RBFOX1: variants seen among roughly 807,000 people sequenced by gnomAD.
The protein encoded by RBFOX1 is RNA binding protein fox-1 homolog 1.
In RBFOX1, 8 loss-of-function variants were observed where a neutral mutation model predicts 57.7. That is an observed-to-expected ratio of 0.14 (90% CI 0.08 to 0.25). The LOEUF (loss-of-function observed/expected upper bound fraction) is 0.25, where lower values mean the gene tolerates loss of function less well. RBFOX1 is among the 10% of genes least tolerant of loss of function. The pLI, the probability that RBFOX1 is intolerant of heterozygous loss-of-function variation, is 1.00. For missense variants in RBFOX1, 611 were observed against 548.5 expected (o/e 1.11, Z -1.14); for synonymous variants, 326 against 222.4 (o/e 1.47, Z -4.15).
chr16:6,394,938 G>A (rs756153485), intron 2 of RBFOX1, among the ~76,000 whole-genome samples: 1 of 152,166 alleles, frequency 6.6e-6, no homozygotes, highest in Non-Finnish European at 1.5e-5. Flanking sequence ...TTTTGCTCTT[G>A]TTACATTTGG....
chr16:5,284,924 C>G (rs769607588), intron 1 of RBFOX1, among the ~76,000 whole-genome samples: 1 of 151,802 alleles, frequency 6.6e-6, no homozygotes, highest in Non-Finnish European at 1.5e-5. Flanking sequence ...ACAGTTTTAT[C>G]ATAATGTGCC....
chr16:7,003,022 T>TTC (rs2092968578), intron 3 of RBFOX1, among the ~76,000 whole-genome samples: 6 of 150,994 alleles, frequency 4.0e-5, no homozygotes, highest in African/African-American at 1.5e-4. Context: ...GGTCTTTTTT[T>TTC]TTCTTCTTCT....
At chr16:6,666,226 C>T (rs1402786793) in intron 3 of RBFOX1, among the ~76,000 whole-genome samples, 1 of 152,052 alleles carries the variant, frequency 6.6e-6, no homozygotes, top group Non-Finnish European at 1.5e-5. Context: ...CAGACTAATA[C>T]AGGAGGAGTT....
chr16:6,934,085 A>G (rs544293177), intron 3 of RBFOX1, among the ~76,000 whole-genome samples: 1 of 152,300 alleles, frequency 6.6e-6, no homozygotes, highest in South Asian at 2.1e-4. Context: ...CGACAGCAGC[A>G]TTTCAGAGGT....
chr16:6,994,900 C>G (rs531651801), intron 3 of RBFOX1, among the ~76,000 whole-genome samples: 4 of 152,150 alleles, frequency 2.6e-5, no homozygotes, highest in South Asian at 2.1e-4. Flanking sequence ...TTGGATATCT[C>G]TATCAGAACA....
chr16:7,707,546 C>T (rs145098200), intron 14 of RBFOX1, among the ~76,000 whole-genome samples: 6 of 152,114 alleles, frequency 3.9e-5, no homozygotes, highest in South Asian at 2.1e-4. Context: ...AAAACGATGT[C>T]GATCCCAGTG....
intron 1 of RBFOX1, among the ~76,000 whole-genome samples, chr16:6,114,817 T>C (rs2096482479): frequency 6.6e-6 from 1 of 152,158 alleles, no homozygotes; most frequent in Non-Finnish European, 1.5e-5. Context: ...TGCAAGCAGA[T>C]GGTGTTAGAC....
At chr16:6,044,433 A>G (rs1345814077) in intron 1 of RBFOX1, among the ~76,000 whole-genome samples, 2 of 151,582 alleles carry the variant, frequency 1.3e-5, no homozygotes, top group African/African-American at 2.4e-5. Flanking sequence ...TGCCCCTTCC[A>G]TATTCGCAAG....
intron 14 of RBFOX1, among the ~76,000 whole-genome samples, chr16:7,698,297 C>G (rs1203027610): frequency 6.6e-6 from 1 of 151,890 alleles, no homozygotes; most frequent in African/African-American, 2.4e-5. Flanking sequence ...CATGCATTCC[C>G]TTAGCAAATC....
chr16:6,875,239 A>T (rs10153149), intron 3 of RBFOX1, among the ~76,000 whole-genome samples: 1 of 152,104 alleles, frequency 6.6e-6, no homozygotes, highest in Non-Finnish European at 1.5e-5. Context: ...ATTGTAATTC[A>T]GGAAATTTCA....
chr16:6,204,775 A>G (rs1251989343), intron 1 of RBFOX1, among the ~76,000 whole-genome samples: 1 of 152,128 alleles, frequency 6.6e-6, no homozygotes. Flanking sequence ...CTTATTGACA[A>G]TGGATGCCTT....
chr16:6,909,833 G>A (rs2153429822), intron 3 of RBFOX1, among the ~76,000 whole-genome samples: 1 of 152,306 alleles, frequency 6.6e-6, no homozygotes, highest in South Asian at 2.1e-4. Flanking sequence ...AAGGTGTGCA[G>A]TTGGGGGTGT....
intron 1 of RBFOX1, among the ~76,000 whole-genome samples, chr16:5,376,665 A>G (rs879262573): frequency 2.0e-5 from 3 of 151,854 alleles, no homozygotes; most frequent in Admixed American, 6.5e-5. Context: ...GGCGTGGCAC[A>G]TGCTGCGGGT....
intron 3 of RBFOX1, among the ~76,000 whole-genome samples, chr16:6,890,407 C>T (rs1029303258): frequency 1.4e-4 from 21 of 152,108 alleles, no homozygotes; most frequent in Admixed American, 1.2e-3. Flanking sequence ...TAGTCCCAGC[C>T]ACTTGGAAGG....
intron 4 of RBFOX1, among the ~76,000 whole-genome samples, chr16:6,005,708 G>T (rs1209605834): frequency 6.6e-6 from 1 of 152,164 alleles, no homozygotes; most frequent in East Asian, 1.9e-4. Flanking sequence ...GAAAAACATT[G>T]CCCCTGTTGA....
chr16:6,596,186 C>T (rs2097775067), intron 2 of RBFOX1, among the ~76,000 whole-genome samples: 1 of 151,710 alleles, frequency 6.6e-6, no homozygotes. Context: ...ATCTGTTTTT[C>T]ACCCCAAGGT....
At position 5,275,527 on chromosome 16, in the gene RBFOX1, AAATCAT is replaced by A. The variant is rs540592996; in HGVS notation, c.219+35424_219+35429del. ...GAAAACTACAAAACACTGCTGAAAG[AAATCAT>A]AGATGACACAAACAAATGGAAACAC... On this transcript the variant is annotated intron_variant, in intron 1 of 2. Transcript: ENST00000585867. Among the ~76,000 whole-genome samples the A allele has an allele frequency of 1.5e-3, 225 of 152,328 alleles. 1 individual carries two copies. Among genetic ancestry groups the A allele is most frequent in the African/African-American group, 5.1e-3 (210 of 41,564 alleles).
chr16:6,516,438 C>T (rs1321157828), intron 2 of RBFOX1, among the ~76,000 whole-genome samples: 1 of 152,130 alleles, frequency 6.6e-6, no homozygotes, highest in Non-Finnish European at 1.5e-5. Flanking sequence ...TAGCAGTATT[C>T]AACAGTAGCA....
chr16:5,356,074 G>A (rs1199910120), intron 1 of RBFOX1, among the ~76,000 whole-genome samples: 1 of 152,226 alleles, frequency 6.6e-6, no homozygotes, highest in Non-Finnish European at 1.5e-5. Context: ...CTGGGTGACA[G>A]AGCGAAACTC....
Sources: allele counts gnomAD v4.1 joint callset (sites outside exome capture counted in the v4.1 genomes callset), GRCh38; gene constraint gnomAD v4.1.1; transcripts MANE v1.5; gene names NCBI Gene and HGNC (gene_info 2026-07-23, HGNC 2026-07-21).